Variants in KCNQ1 observed in about 807,000 individuals in gnomAD.
The protein encoded by KCNQ1 is potassium voltage-gated channel subfamily Q member 1.
Under a neutral mutation model 72.4 loss-of-function variants are expected in KCNQ1, and 49 were observed. The observed-to-expected ratio is 0.68, with a 90% CI of 0.54 to 0.86. KCNQ1 has a LOEUF of 0.86. Among genes scored for constraint, KCNQ1 ranks in the 40% least tolerant of loss-of-function variants. The pLI, the probability that KCNQ1 is intolerant of heterozygous loss-of-function variation, is 0.00. For missense variants in KCNQ1, 790 were observed against 945.1 expected (o/e 0.84, Z 2.15); for synonymous variants, 450 against 412.6 (o/e 1.09, Z -1.10).
chr11:2,456,034 A>G (rs530230706), intron 1 of KCNQ1, among the ~76,000 whole-genome samples: 2 of 152,342 alleles, frequency 1.3e-5, no homozygotes, highest in Admixed American at 1.3e-4. Flanking sequence ...CACCATATAC[A>G]AAAATTAAAG....
intron 10 of KCNQ1, chr11:2,619,899 A>C (rs2412058): frequency 2.5e-6 from 1 of 397,888 alleles, no homozygotes. Flanking sequence ...GTACAGGTCT[A>C]TATGTTGCAT....
rs770811380 is a variant in KCNQ1, at chr11:2,725,190, C to T, written c.1515-43654C>T. Among the ~76,000 whole-genome samples the T allele has an allele frequency of 2.0e-5, 3 of 152,324 alleles. No homozygotes were observed. Among genetic ancestry groups the T allele is most frequent in the South Asian group, 2.1e-4 (1 of 4,822 alleles). On this transcript the variant is annotated intron_variant, in intron 11 of 15. Transcript: ENST00000155840. This position sits in a 1 kb window ranked among gnomAD's most constrained non-coding sequence, Gnocchi z 7.2. ...TGACGTGGAGACAGGAGGAAGCCGA[C>T]GGCCATCTGTGCTCAGACCCAGTGG...
chr11:2,592,229 C>A lies in KCNQ1; in HGVS notation c.1393+3375C>A, dbSNP rs1397575137. ...TTGGCCCCATTTATAGATGGAGAAA[C>A]GGAAGGCCAGGGCCATGTGGGGAAC... is the stretch of plus-strand genomic sequence containing the variant. On this transcript the variant is annotated intron_variant, in intron 10 of 15. Coordinates refer to ENST00000155840, the MANE Select transcript of KCNQ1 (RefSeq NM_000218.3). The surrounding 1 kb of genome is among the most constrained non-coding windows in gnomAD (Gnocchi z 5.2). Among the ~76,000 whole-genome samples the A allele has an allele frequency of 6.6e-6, 1 of 152,222 alleles. No homozygotes were observed. Among genetic ancestry groups the A allele is most frequent in the African/African-American group, 2.4e-5 (1 of 41,458 alleles).
In KCNQ1 at chr11:2,486,642, T is replaced by C. The variant is rs1270858488; in HGVS notation, c.386+41158T>C. 6.6e-6 allele frequency among the ~76,000 whole-genome samples: 1 copy of C among 152,198 alleles called. No individual in the cohort carries two copies. The highest frequency in any genetic ancestry group is 1.9e-4 in the East Asian group (1 of 5,194). ...AATTGGCTTATGGTTCTGCAGGCTG[T>C]ACAAGAAACATGGTGCCAGCACCTG... On this transcript the variant is annotated intron_variant, in intron 1 of 15. Coordinates refer to ENST00000155840, the MANE Select transcript of KCNQ1 (RefSeq NM_000218.3). The surrounding 1 kb of genome is among the most constrained non-coding windows in gnomAD (Gnocchi z 5.0).
chr11:2,705,218 C>A (rs982123101), intron 11 of KCNQ1, among the ~76,000 whole-genome samples: 5 of 152,220 alleles, frequency 3.3e-5, no homozygotes, highest in Non-Finnish European at 7.3e-5. Context: ...GATTTGCGTT[C>A]CTGCATTTGG....
Position 2,725,719 on chromosome 11 carries a change from G to A in KCNQ1, c.1515-43125G>A, listed in dbSNP as rs575671510. Among the ~76,000 whole-genome samples, 29 of 152,264 alleles carry A rather than the reference G, an allele frequency of 1.9e-4. No homozygotes were observed. The South Asian group carries it at 4.1e-3, about 22-fold the overall frequency. On this transcript the variant is annotated intron_variant, in intron 11 of 15. Coordinates refer to ENST00000155840, the MANE Select transcript of KCNQ1 (RefSeq NM_000218.3). This position sits in a 1 kb window ranked among gnomAD's most constrained non-coding sequence, Gnocchi z 7.2. ...GCCGAGGGCAGCCTGGGGAAGGTAC[G>A]AGAGATCACTGGGCTTTGTGAAACC...
rs768984659 is a variant in KCNQ1, at chr11:2,764,406, C to G, written c.1515-4438C>G. On this transcript the variant is annotated intron_variant, in intron 11 of 15. Coordinates refer to ENST00000155840, the MANE Select transcript of KCNQ1 (RefSeq NM_000218.3). The surrounding 1 kb of genome is among the most constrained non-coding windows in gnomAD (Gnocchi z 4.8). ...ATGCACAAGTGGATTAAACCACATT[C>G]GAGCATGTGTTTGGGCACAGTGCTA... 6.6e-6 allele frequency among the ~76,000 whole-genome samples: 1 copy of G among 152,112 alleles called. No individual in the cohort carries two copies.
In KCNQ1 at chr11:2,679,515, T is replaced by C; in HGVS notation, c.1514+17434T>C. 1 of 398,614 alleles carries C rather than the reference T, an allele frequency of 2.5e-6. No individual in the cohort carries two copies. Among genetic ancestry groups the C allele is most frequent in the Non-Finnish European group, 4.4e-6 (1 of 226,058 alleles). The allele number at this position is 398,614 out of a possible 1,614,324, so 24.7% of individuals were successfully genotyped here. ...GTAGTGACACAGTGTTACTTAAATGTATTGCTATACCTCATGATGGCCATT... is the reference window on the plus strand; with the variant it reads ...GTAGTGACACAGTGTTACTTAAATGCATTGCTATACCTCATGATGGCCATT... On this transcript the variant is annotated intron_variant, in intron 11 of 15. Transcript: ENST00000155840. This position sits in a 1 kb window ranked among gnomAD's most constrained non-coding sequence, Gnocchi z 4.8.
At chr11:2,802,518 C>T (rs973933261) in intron 15 of KCNQ1, among the ~76,000 whole-genome samples, 3 of 152,222 alleles carry the variant, frequency 2.0e-5, no homozygotes, top group Non-Finnish European at 4.4e-5. Context: ...GCTCAGTGCC[C>T]TCTCATAAAG....
At chr11:2,456,763 TCCAAA>T (rs1232233559) in intron 1 of KCNQ1, among the ~76,000 whole-genome samples, 1 of 54,654 alleles carries the variant, frequency 1.8e-5, no homozygotes, top group Non-Finnish European at 4.4e-5. Flanking sequence ...CTACTAAAAA[TCCAAA>T]AAAAAAAAAA....
At chr11:2,776,955 T>A (rs1418993683) in intron 13 of KCNQ1, 31 bp from the exon 14 acceptor site, 4 of 1,611,108 alleles carry the variant, frequency 2.5e-6, no homozygotes, top group Non-Finnish European at 3.4e-6. Flanking sequence ...CAGGGCCAGG[T>A]GTGAACTGGT....
rs537207998 is a variant in KCNQ1, at chr11:2,473,380, C to A, written c.386+27896C>A. On this transcript the variant is annotated intron_variant, in intron 1 of 15. Coordinates refer to ENST00000155840, the MANE Select transcript of KCNQ1 (RefSeq NM_000218.3). The surrounding 1 kb of genome is among the most constrained non-coding windows in gnomAD (Gnocchi z 6.0). ...ACCTGAGGCCCATGGTGCAGTGAGT[C>A]CTGCCTGGAGTCCCGTCCAGCAGGA... is the stretch of plus-strand genomic sequence containing the variant. Among the ~76,000 whole-genome samples, 1 of 152,274 alleles carries A rather than the reference C, an allele frequency of 6.6e-6. No individual in the cohort carries two copies. The highest frequency in any genetic ancestry group is 2.4e-5 in the African/African-American group (1 of 41,542).
In KCNQ1 at chr11:2,458,648, G is replaced by GATGA. The variant is rs1846229873; in HGVS notation, c.386+13167_386+13168insAATG. Among the ~76,000 whole-genome samples the GATGA allele has an allele frequency of 1.3e-5, 1 of 79,772 alleles. No homozygotes were observed. The allele number at this position is 79,772 out of a possible 152,430, so 52.3% of individuals were successfully genotyped here. ...GCTTCCTTGCCTGGATGGATGGATG[G>GATGA]ATGGATGGATGGATGGATGGATGGA... On this transcript the variant is annotated intron_variant, in intron 1 of 15. Transcript: ENST00000155840. This position sits in a 1 kb window ranked among gnomAD's most constrained non-coding sequence, Gnocchi z 4.6.
chr11:2,591,482 C>G (rs149517781), intron 10 of KCNQ1, among the ~76,000 whole-genome samples: 408 of 152,366 alleles, frequency 2.7e-3, no homozygotes, highest in Middle Eastern at 0.01. Flanking sequence ...TGCCCAGTGC[C>G]CCCACAGCTC....
At chr11:2,819,111 A>G (rs991631063) in intron 15 of KCNQ1, among the ~76,000 whole-genome samples, 13 of 152,138 alleles carry the variant, frequency 8.5e-5, no homozygotes, top group Admixed American at 2.6e-4. Context: ...TCATTGGTTC[A>G]TTCATTCATT....
In KCNQ1 at chr11:2,578,858, G is replaced by A. The variant is rs1045291296; in HGVS notation, c.922-4577G>A. Among the ~76,000 whole-genome samples the A allele has an allele frequency of 5.3e-5, 8 of 152,362 alleles. No homozygotes were observed. In the East Asian group the frequency reaches 1.5e-3, roughly 29 times the overall value. On this transcript the variant is annotated intron_variant, in intron 6 of 15. Transcript: ENST00000155840. ...GGGGTGGCCACAGCGGGGAACGTGG[G>A]TCCTGCAGGCCTTGGTCCAGCTGTC...
Position 2,730,665 on chromosome 11 carries a change from A to G in KCNQ1, c.1515-38179A>G, listed in dbSNP as rs144080743. Among the ~76,000 whole-genome samples the G allele has an allele frequency of 1.9e-3, 282 of 152,318 alleles. 1 individual carries two copies. The highest frequency in any genetic ancestry group is 6.1e-3 in the African/African-American group (255 of 41,566). ...CATCCAGTGCAGAGGTGAGACCTGT[A>G]TGGCCACAGAGTCTCCCTATCCAGG... On this transcript the variant is annotated intron_variant, in intron 11 of 15. Transcript: ENST00000155840.
intron 11 of KCNQ1, chr11:2,686,315 C>A: frequency 2.5e-6 from 1 of 398,734 alleles, no homozygotes; most frequent in South Asian, 1.3e-4. Context: ...ACTAGTGTCA[C>A]CTGGCCCGTC....
intron 11 of KCNQ1, among the ~76,000 whole-genome samples, chr11:2,714,974 G>A (rs917424975): frequency 2.0e-5 from 3 of 152,124 alleles, no homozygotes; most frequent in Non-Finnish European, 2.9e-5. Flanking sequence ...TGCAGGAGGG[G>A]CCTAGCCAGG....
Sources: gnomAD v4.1 joint callset for allele counts (sites outside exome capture counted in the v4.1 genomes callset) on GRCh38, gnomAD v4.1.1 for gene constraint, Gnocchi (gnomAD v3.1) non-coding constraint, MANE v1.5 for transcripts, NCBI Gene and HGNC (gene_info 2026-07-23, HGNC 2026-07-21) for gene names.